The following DENND2B variants were observed in gnomAD, a reference collection of about 807,000 sequenced individuals.
The protein encoded by DENND2B is DENN domain-containing protein 2B.
DENND2B carries 32 observed loss-of-function variants against 116.0 expected under a neutral mutation model. That is an observed-to-expected ratio of 0.28 (90% CI 0.21 to 0.37). The LOEUF is 0.37. Ranked by LOEUF, DENND2B falls within the 10% of genes least tolerant of loss-of-function variation. The probability of loss-of-function intolerance (pLI) is 1.00; values close to 1 mark genes in which losing one functional copy is unlikely to be tolerated. For synonymous variants in DENND2B, 588 were observed against 583.9 expected, an observed-to-expected ratio of 1.01 and a Z score of -0.10; for missense variants, 1,276 against 1,477.7, an observed-to-expected ratio of 0.86 and a Z score of 2.24.
At chr11:8,900,963 T>C (rs192558466) in intron 1 of DENND2B, among the ~76,000 whole-genome samples, 6 of 151,584 alleles carry the variant, frequency 4.0e-5, no homozygotes, top group African/African-American at 4.8e-5. Context: ...GAGTGAAACC[T>C]TGGTCTTGAA....
At chr11:8,901,210 C>CTTTCTTTTCT (rs566458011) in intron 1 of DENND2B, among the ~76,000 whole-genome samples, 5,729 of 92,234 alleles carry the variant, frequency 0.062, 871 homozygotes, top group African/African-American at 0.16. Flanking sequence ...TTTTCTTTTT[C>CTTTCTTTTCT]TTTCTTTTCT....
In DENND2B at chr11:8,900,145, G is replaced by T. The variant is rs187931524; in HGVS notation, c.-256+10676C>A. 5.3e-4 allele frequency among the ~76,000 whole-genome samples: 81 copies of T among 152,160 alleles called. 1 individual carries two copies. The highest frequency in any genetic ancestry group is 1.9e-3 in the African/African-American group (78 of 41,522). On this transcript the variant is annotated intron_variant, in intron 1 of 22. Transcript: ENST00000534127. The stretch of plus-strand genomic sequence containing the variant: ...ATCTCTATAAAAAATGTAAAAATTG[G>T]CCCAGCACAGTGGCTCACGCCTATA...
chr11:8,905,576 G>A (rs1386354789), intron 1 of DENND2B, among the ~76,000 whole-genome samples: 2 of 152,096 alleles, frequency 1.3e-5, no homozygotes, highest in Non-Finnish European at 2.9e-5. Context: ...AACTTTAAAT[G>A]TTAGTACTTC....
intron 1 of DENND2B, among the ~76,000 whole-genome samples, chr11:8,902,605 G>A (rs901380902): frequency 1.1e-4 from 16 of 152,234 alleles, no homozygotes; most frequent in South Asian, 4.1e-4. Flanking sequence ...AAGGGGAGTC[G>A]CTTAAAGCAA....
intron 1 of DENND2B, among the ~76,000 whole-genome samples, chr11:8,801,807 C>T (rs1307203265): frequency 6.6e-6 from 1 of 151,406 alleles, no homozygotes; most frequent in African/African-American, 2.4e-5. Flanking sequence ...TCGAGACCAG[C>T]CTGGGCAACA....
intron 1 of DENND2B, among the ~76,000 whole-genome samples, chr11:8,888,924 A>C (rs949153525): frequency 1.3e-5 from 2 of 152,176 alleles, no homozygotes; most frequent in Non-Finnish European, 1.5e-5. Context: ...GCAAAATAAA[A>C]GTAACAAATG....
chr11:8,799,305 C>T (rs951811945), intron 1 of DENND2B, among the ~76,000 whole-genome samples: 3 of 152,152 alleles, frequency 2.0e-5, no homozygotes, highest in African/African-American at 7.2e-5. Flanking sequence ...GGCAGGGACT[C>T]GGAAAGGACA....
chr11:8,715,671 G>A lies in DENND2B; in HGVS notation c.1777C>T (p.Leu593Phe). ...QLSLPSSPSSLNEDSLSTTSE... is the reference protein window; with the variant it reads ...QLSLPSSPSSFNEDSLSTTSE... ...GTGGTGCTGAGGCTGTCTTCATTGA[G>A]GCTGGAGGGTGAGGACGGCAGACTC... The change falls in exon 6 of 20, where the codon CTC (leucine) becomes TTC (phenylalanine). Residue 593 changes from leucine to phenylalanine, a missense_variant. Leu to Phe is a conservative substitution (Grantham distance 22). Coordinates refer to ENST00000313726, the MANE Select transcript of DENND2B (RefSeq NM_213618.2). 1.2e-6 allele frequency: 2 copies of A among 1,614,226 alleles called. No individual in the cohort carries two copies. The highest frequency in any genetic ancestry group is 1.7e-6 in the Non-Finnish European group (2 of 1,180,038).
At chr11:8,771,606 G>C (rs1329461541) in intron 1 of DENND2B, 1 of 138,572 alleles carries the variant, frequency 7.2e-6, no homozygotes, top group Non-Finnish European at 1.5e-5. Context: ...AAAAACCCTT[G>C]GCATTTCCTG....
At chr11:8,699,695 G>C (rs2041150676) in intron 14 of DENND2B, among the ~76,000 whole-genome samples, 2 of 152,136 alleles carry the variant, frequency 1.3e-5, no homozygotes, top group Non-Finnish European at 2.9e-5. Flanking sequence ...CACATCAGTG[G>C]GCCCGTGGCT....
intron 4 of DENND2B, among the ~76,000 whole-genome samples, chr11:8,725,202 G>A (rs2046876757): frequency 6.6e-6 from 1 of 152,094 alleles, no homozygotes; most frequent in African/African-American, 2.4e-5. Context: ...ATTAGGTCAT[G>A]AGTGCAGGGC....
At chr11:8,786,474 G>A (rs1188828963) in intron 1 of DENND2B, among the ~76,000 whole-genome samples, 1 of 152,062 alleles carries the variant, frequency 6.6e-6, no homozygotes, top group African/African-American at 2.4e-5. Flanking sequence ...GTGGTATGTT[G>A]ACTGCCAAGG....
chr11:8,721,017 G>A (rs1396992184), intron 4 of DENND2B, among the ~76,000 whole-genome samples: 2 of 151,988 alleles, frequency 1.3e-5, no homozygotes, highest in African/African-American at 4.8e-5. Flanking sequence ...CAGTCCACAT[G>A]ACCCTTGGAG....
intron 5 of DENND2B, 110 bp from the exon 6 acceptor site, chr11:8,715,928 C>A: frequency 1.0e-6 from 1 of 1,001,234 alleles, no homozygotes; most frequent in Non-Finnish European, 1.4e-6. Flanking sequence ...CCTGGATCCC[C>A]GCCATCTTGC....
At chr11:8,703,872 G>A (rs1210495932) in intron 13 of DENND2B, among the ~76,000 whole-genome samples, 4 of 152,126 alleles carry the variant, frequency 2.6e-5, no homozygotes, top group Admixed American at 6.5e-5. Context: ...CCAGATGCTG[G>A]GTACACCCCA....
At chr11:8,766,250 C>T (rs1398652029) in intron 1 of DENND2B, among the ~76,000 whole-genome samples, 1 of 152,084 alleles carries the variant, frequency 6.6e-6, no homozygotes, top group East Asian at 1.9e-4. Flanking sequence ...ACATTCAGGC[C>T]TGTGGCAGCA....
At position 8,712,643 on chromosome 11, in the gene DENND2B, G is replaced by A. The variant is rs75648256; in HGVS notation, c.2080C>T (p.Arg694Trp). ...LELELLEWQE[R>W]ELFEYFVVVS... Reference sequence around the variant, plus strand: ...ACCACAAAGTACTCAAAAAGCTCCCGCTCCTGCCACTCCAGCAGCTCCAGC... The same window carrying A: ...ACCACAAAGTACTCAAAAAGCTCCCACTCCTGCCACTCCAGCAGCTCCAGC... The change falls in exon 9 of 20, where the codon CGG (arginine) becomes TGG (tryptophan). Residue 694 changes from arginine (R) to tryptophan (W), a missense_variant. This residue lies in a region of DENND2B where 420 missense variants were observed against 631.1 expected (regional missense o/e 0.67). Coordinates refer to ENST00000313726, the MANE Select transcript of DENND2B (RefSeq NM_213618.2). The surrounding 1 kb of genome is among the most constrained non-coding windows in gnomAD (Gnocchi z 4.4). The A allele has an allele frequency of 8.8e-6, 14 of 1,584,338 alleles. No homozygotes were observed. The highest frequency in any genetic ancestry group is 1.2e-5 in the South Asian group (1 of 86,712).
At position 8,707,858 on chromosome 11, in the gene DENND2B, G is replaced by C. The variant is rs534326038; in HGVS notation, c.2353-4C>G. 3 of 1,607,272 alleles carry C rather than the reference G, an allele frequency of 1.9e-6. No homozygotes were observed. The highest frequency in any genetic ancestry group is 2.7e-5 in the African/African-American group (2 of 75,010). On this transcript the variant is annotated splice_region_variant and splice_polypyrimidine_tract_variant and intron_variant, in intron 11 of 19. Coordinates refer to ENST00000313726, the MANE Select transcript of DENND2B (RefSeq NM_213618.2). This position sits in a 1 kb window ranked among gnomAD's most constrained non-coding sequence, Gnocchi z 4.8. ...ACCGGGGCCCTTTCCCACTTGGCTG[G>C]GCCAGGACAAGGAGGAGGAGGAGAG...
chr11:8,734,422 T>C (rs535058942), intron 2 of DENND2B, among the ~76,000 whole-genome samples: 1 of 152,190 alleles, frequency 6.6e-6, no homozygotes, highest in African/African-American at 2.4e-5. Context: ...ACTTATAAGC[T>C]TCATGACTTT....
Sources: allele counts gnomAD v4.1 joint callset (sites outside exome capture counted in the v4.1 genomes callset), GRCh38; gene constraint gnomAD v4.1.1; regional missense constraint gnomAD v4.1.1; non-coding constraint Gnocchi (gnomAD v3.1); transcripts MANE v1.5; gene names NCBI Gene and HGNC (gene_info 2026-07-23, HGNC 2026-07-21).